CDYL2: variants seen among roughly 807,000 people sequenced by gnomAD.
CDYL2 encodes the protein chromodomain Y-like protein 2.
Under a neutral mutation model 49.4 loss-of-function variants are expected in CDYL2, and 23 were observed. That is an observed-to-expected ratio of 0.47 (90% CI 0.34 to 0.66). The LOEUF (loss-of-function observed/expected upper bound fraction) is 0.66, where lower values mean the gene tolerates loss of function less well. CDYL2 is among the 30% of genes least tolerant of loss of function. CDYL2 has a pLI of 0.01. For synonymous variants in CDYL2, 360 were observed against 268.8 expected (o/e 1.34, Z -3.32); for missense variants, 678 against 656.4 (o/e 1.03, Z -0.36).
At chr16:80,611,807 G>A (rs538461709) in intron 5 of CDYL2, among the ~76,000 whole-genome samples, 9 of 152,312 alleles carry the variant, frequency 5.9e-5, no homozygotes, top group Middle Eastern at 3.4e-3. Flanking sequence ...TGCTTCCTAC[G>A]TGCCAGCTGT....
At chr16:80,793,118 A>G (rs1907661112) in intron 1 of CDYL2, among the ~76,000 whole-genome samples, 1 of 152,200 alleles carries the variant, frequency 6.6e-6, no homozygotes, top group South Asian at 2.1e-4. Flanking sequence ...TCCATTCCAG[A>G]GTCCTTCTCC....
chr16:80,698,226 G>C (rs1307833357), intron 1 of CDYL2, among the ~76,000 whole-genome samples: 1 of 152,106 alleles, frequency 6.6e-6, no homozygotes, highest in African/African-American at 2.4e-5. Flanking sequence ...GACCTCGAAA[G>C]CACAGGCAAC....
chr16:80,716,433 G>C (rs1904801978), intron 1 of CDYL2, among the ~76,000 whole-genome samples: 1 of 150,910 alleles, frequency 6.6e-6, no homozygotes, highest in Non-Finnish European at 1.5e-5. Flanking sequence ...TGGATGGGTA[G>C]GTCGATGGAT....
chr16:80,696,437 T>C (rs1162881903), intron 1 of CDYL2, among the ~76,000 whole-genome samples: 2 of 152,020 alleles, frequency 1.3e-5, no homozygotes, highest in East Asian at 3.8e-4. Context: ...ATACAGTTTT[T>C]TTTAAATATA....
rs550220624 is a variant in CDYL2 at position 80,716,738 on chromosome 16, A to G, written c.25-31609T>C. On this transcript the variant is annotated intron_variant, in intron 1 of 6. Coordinates refer to ENST00000570137, the MANE Select transcript of CDYL2 (RefSeq NM_152342.4). ...ATAGTGATGGATGGATAATGGATGG[A>G]TCGATGGATGGATGATAGATGGATG... is the stretch of plus-strand genomic sequence containing the variant. Among the ~76,000 whole-genome samples, 27 of 152,022 alleles carry G rather than the reference A, an allele frequency of 1.8e-4. No homozygotes were observed. The East Asian group carries it at 5.1e-3, about 29-fold the overall frequency.
intron 1 of CDYL2, among the ~76,000 whole-genome samples, chr16:80,750,759 C>A (rs1201568198): frequency 6.6e-6 from 1 of 152,194 alleles, no homozygotes; most frequent in Admixed American, 6.5e-5. Flanking sequence ...GTGGCTCACG[C>A]CCGTAATCCC....
intron 1 of CDYL2, among the ~76,000 whole-genome samples, chr16:80,695,710 T>G (rs1910590415): frequency 6.6e-6 from 1 of 152,192 alleles, no homozygotes; most frequent in African/African-American, 2.4e-5. Context: ...AAATTACAAT[T>G]GTAAATATGT....
At chr16:80,786,232 T>A (rs1425324923) in intron 1 of CDYL2, among the ~76,000 whole-genome samples, 1 of 152,040 alleles carries the variant, frequency 6.6e-6, no homozygotes, top group African/African-American at 2.4e-5. Flanking sequence ...AGGGCTAATA[T>A]CCAGAATCTA....
At chr16:80,637,600 G>A (rs577694971) in intron 2 of CDYL2, among the ~76,000 whole-genome samples, 39 of 152,168 alleles carry the variant, frequency 2.6e-4, no homozygotes, top group Non-Finnish European at 5.4e-4. Context: ...AAGGTTAACA[G>A]ACAAAAGTCA....
At chr16:80,766,273 C>T (rs1431869798) in intron 1 of CDYL2, among the ~76,000 whole-genome samples, 2 of 151,670 alleles carry the variant, frequency 1.3e-5, no homozygotes, top group East Asian at 1.9e-4. Flanking sequence ...CTCAATACAA[C>T]TTTTATTGAC....
At chr16:80,617,844 G>A (rs540584462) in intron 4 of CDYL2, among the ~76,000 whole-genome samples, 4 of 152,262 alleles carry the variant, frequency 2.6e-5, no homozygotes, top group African/African-American at 9.6e-5. Flanking sequence ...TCAATCAGTG[G>A]TGCAGAAATC....
At chr16:80,615,914 G>C (rs1409184356) in intron 4 of CDYL2, among the ~76,000 whole-genome samples, 1 of 152,172 alleles carries the variant, frequency 6.6e-6, no homozygotes, top group Non-Finnish European at 1.5e-5. Context: ...GAGCCAAGCA[G>C]CAAACAGGAT....
chr16:80,694,155 T>C (rs143632914), intron 1 of CDYL2, among the ~76,000 whole-genome samples: 119 of 152,306 alleles, frequency 7.8e-4, no homozygotes, highest in African/African-American at 2.8e-3. Flanking sequence ...TAGATTCTCA[T>C]AAGAAACACG....
intron 6 of CDYL2, 26 bp downstream of exon 6, chr16:80,608,066 A>G (rs1269092981): frequency 1.9e-6 from 3 of 1,543,516 alleles, no homozygotes; most frequent in Non-Finnish European, 2.6e-6. Context: ...CAAAAGGACA[A>G]GCACGCAGGA....
chr16:80,753,563 G>A (rs746715600), intron 1 of CDYL2, among the ~76,000 whole-genome samples: 9 of 152,018 alleles, frequency 5.9e-5, no homozygotes, highest in Admixed American at 2.6e-4. Context: ...AGCCAAGATC[G>A]TGCCATTGTA....
At position 80,616,138 on chromosome 16, in the gene CDYL2, T is replaced by G. The variant is rs762163353; in HGVS notation, c.1008-3302A>C. ...CAGAAGGAGCAACAACTTCAGAATC[T>G]GAAAGACTCAGAGTGAAGTCTCAGT... On this transcript the variant is annotated intron_variant, in intron 4 of 6. Transcript: ENST00000570137. 3.3e-5 allele frequency among the ~76,000 whole-genome samples: 5 copies of G among 152,176 alleles called. No individual in the cohort carries two copies. In the South Asian group the frequency reaches 1.0e-3, roughly 31 times the overall value.
At chr16:80,671,209 A>T (rs1909489708) in intron 2 of CDYL2, among the ~76,000 whole-genome samples, 1 of 152,158 alleles carries the variant, frequency 6.6e-6, no homozygotes, top group Admixed American at 6.5e-5. Flanking sequence ...GCAGCCCTTA[A>T]TGGAGAATGT....
intron 1 of CDYL2, among the ~76,000 whole-genome samples, chr16:80,731,012 A>G (rs1905308620): frequency 6.6e-6 from 1 of 152,274 alleles, no homozygotes; most frequent in South Asian, 2.1e-4. Flanking sequence ...AAAATGATAG[A>G]TATGTTCATT....
rs147144091 is a variant in CDYL2, at chr16:80,677,014, A to T, written c.616+7524T>A. ...GAGACAGAGTCTCGCTCTGTCGCCC[A>T]GGCTGGAGTGCAGTGGCACAATCAC... is the stretch of plus-strand genomic sequence containing the variant. On this transcript the variant is annotated intron_variant, in intron 2 of 6. Coordinates refer to ENST00000570137, the MANE Select transcript of CDYL2 (RefSeq NM_152342.4). 6.5e-4 allele frequency among the ~76,000 whole-genome samples: 79 copies of T among 122,164 alleles called. 1 individual carries two copies. The highest frequency in any genetic ancestry group is 3.7e-3 in the Admixed American group (33 of 9,036). The allele number at this position is 122,164 out of a possible 152,430, so 80.1% of individuals were successfully genotyped here.
Sources: allele counts gnomAD v4.1 joint callset (sites outside exome capture counted in the v4.1 genomes callset), GRCh38; gene constraint gnomAD v4.1.1; transcripts MANE v1.5; gene names NCBI Gene and HGNC (gene_info 2026-07-23, HGNC 2026-07-21).